STAG1: variants seen among roughly 807,000 people sequenced by gnomAD.
The protein encoded by STAG1 is cohesin subunit SA-1.
A neutral mutation model predicts 170.9 loss-of-function variants in STAG1; 26 were observed. The ratio of observed to expected loss-of-function variants is 0.15; its 90% CI spans 0.11 to 0.21. The LOEUF is 0.21. Among genes scored for constraint, STAG1 ranks in the 10% least tolerant of loss-of-function variants. The probability of loss-of-function intolerance (pLI) is 1.00; values close to 1 mark genes in which losing one functional copy is unlikely to be tolerated. For synonymous variants in STAG1, 514 were observed against 497.7 expected (o/e 1.03, Z -0.44); for missense variants, 964 against 1,509.5 (o/e 0.64, Z 5.99).
intron 1 of STAG1, among the ~76,000 whole-genome samples, chr3:136,665,693 T>C (rs1449933654): frequency 6.7e-6 from 1 of 148,610 alleles, no homozygotes; most frequent in Non-Finnish European, 1.5e-5. Context: ...GGCAGGAGAA[T>C]GGTGTGAACC....
At chr3:136,457,443 T>C (rs1419638460) in intron 13 of STAG1, among the ~76,000 whole-genome samples, 1 of 152,168 alleles carries the variant, frequency 6.6e-6, no homozygotes, top group African/African-American at 2.4e-5. Context: ...CTCACCTGTT[T>C]ACCCCCACAT....
chr3:136,539,404 G>A (rs138461539), intron 6 of STAG1, among the ~76,000 whole-genome samples: 212 of 152,220 alleles, frequency 1.4e-3, no homozygotes, highest in African/African-American at 4.7e-3. Flanking sequence ...CGGGAGAAGA[G>A]CACAATACAC....
Position 136,365,599 on chromosome 3 carries a change from G to C in STAG1, c.2685+1344C>G, listed in dbSNP as rs1279310097. On this transcript the variant is annotated intron_variant, in intron 25 of 33. Transcript: ENST00000383202. ...CATGTAATTTGGAATAAAGTTCCAG[G>C]TGACTGATGGAAAATCAGGATGAGG... 4.6e-5 allele frequency among the ~76,000 whole-genome samples: 7 copies of C among 152,242 alleles called. No homozygotes were observed. The South Asian group carries it at 1.5e-3, about 32-fold the overall frequency.
chr3:136,612,729 T>C (rs575841206), intron 3 of STAG1, among the ~76,000 whole-genome samples: 15 of 152,272 alleles, frequency 9.9e-5, no homozygotes, highest in Middle Eastern at 3.4e-3. Context: ...AAATAGGTCA[T>C]TCAAAAAAAT....
chr3:136,632,663 GC>G (rs1160804197), intron 1 of STAG1, among the ~76,000 whole-genome samples: 1 of 152,006 alleles, frequency 6.6e-6, no homozygotes, highest in Non-Finnish European at 1.5e-5. Flanking sequence ...CGGACTAAGG[GC>G]TTTCAAAGAC....
chr3:136,573,611 TA>T (rs1266792817), intron 4 of STAG1, among the ~76,000 whole-genome samples: 1 of 151,304 alleles, frequency 6.6e-6, no homozygotes, highest in Non-Finnish European at 1.5e-5. Context: ...ATTTTGAGAC[TA>T]AAAAACTAAA....
Position 136,349,334 on chromosome 3 carries a change from T to C in STAG1, c.3095A>G (p.Glu1032Gly). 1 of 1,613,940 alleles carries C rather than the reference T, an allele frequency of 6.2e-7. No homozygotes were observed. The highest frequency in any genetic ancestry group is 8.5e-7 in the Non-Finnish European group (1 of 1,179,868). ...ATCCTCCCTCCTTTCCATCATCTGC[T>C]CGGTAAGGAATTTCTCTAGGTATGA... ...VHSYLEKFLTEQMMERREDVW... is the reference protein window; with the variant it reads ...VHSYLEKFLTGQMMERREDVW... The change falls in exon 29 of 34, where the codon GAG (glutamate) becomes GGG (glycine). Residue 1032 changes from glutamate to glycine, a missense_variant. Around this residue, in one of 11 missense-constraint regions of STAG1, gnomAD observed 149 missense variants for 301.3 expected, o/e 0.49. Transcript: ENST00000383202.
intron 15 of STAG1, among the ~76,000 whole-genome samples, chr3:136,442,669 GA>G (rs34137147): frequency 0.37 from 53,793 of 144,486 alleles, 11,663 homozygotes; most frequent in East Asian, 0.8. Flanking sequence ...TATAAATCAA[GA>G]AAAAAAAAAT....
chr3:136,414,533 C>T (rs1418573855), intron 21 of STAG1, among the ~76,000 whole-genome samples: 1 of 152,140 alleles, frequency 6.6e-6, no homozygotes, highest in East Asian at 1.9e-4. Context: ...GTGACTTCCT[C>T]CACTTGTCTT....
intron 3 of STAG1, among the ~76,000 whole-genome samples, chr3:136,606,737 G>A (rs977043090): frequency 1.3e-5 from 2 of 150,778 alleles, no homozygotes; most frequent in Non-Finnish European, 3.0e-5. Flanking sequence ...GAGAAGAAAG[G>A]AGAGGTAACA....
intron 5 of STAG1, among the ~76,000 whole-genome samples, chr3:136,559,597 T>A (rs1936757845): frequency 6.6e-6 from 1 of 152,184 alleles, no homozygotes; most frequent in Non-Finnish European, 1.5e-5. Flanking sequence ...AACTGTGCAC[T>A]GAGATGTCCT....
At chr3:136,342,342 G>C (rs1013986808) in intron 30 of STAG1, among the ~76,000 whole-genome samples, 5 of 151,686 alleles carry the variant, frequency 3.3e-5, no homozygotes, top group Non-Finnish European at 5.9e-5. Context: ...TTTTAAGACA[G>C]GTTCTCACTC....
At chr3:136,743,587 T>C (rs534901785) in intron 1 of STAG1, among the ~76,000 whole-genome samples, 1 of 152,176 alleles carries the variant, frequency 6.6e-6, no homozygotes, top group Non-Finnish European at 1.5e-5. Context: ...GTATAGAAAC[T>C]AAATTTGATT....
chr3:136,411,778 A>G (rs1576439684), intron 21 of STAG1, among the ~76,000 whole-genome samples: 1 of 152,112 alleles, frequency 6.6e-6, no homozygotes. Context: ...GTGAAATCCC[A>G]TATCTACCAA....
At chr3:136,367,920 T>C (rs887199409) in intron 24 of STAG1, among the ~76,000 whole-genome samples, 5 of 152,190 alleles carry the variant, frequency 3.3e-5, no homozygotes, top group Admixed American at 6.5e-5. Flanking sequence ...CTCCAGATGA[T>C]AACATTTGTT....
intron 1 of STAG1, among the ~76,000 whole-genome samples, chr3:136,640,407 C>T (rs1462539933): frequency 2.7e-5 from 4 of 146,878 alleles, no homozygotes; most frequent in Non-Finnish European, 5.9e-5. Context: ...CTCGCTCTGT[C>T]GCCCAGGCTG....
chr3:136,446,881 C>T (rs2088796847), intron 14 of STAG1, among the ~76,000 whole-genome samples: 1 of 151,956 alleles, frequency 6.6e-6, no homozygotes, highest in African/African-American at 2.4e-5. Context: ...CTCACTGCCA[C>T]CTCTTGCCTC....
intron 23 of STAG1, among the ~76,000 whole-genome samples, chr3:136,370,766 GA>G (rs1315845262): frequency 1.3e-5 from 2 of 152,134 alleles, no homozygotes. Context: ...ATCATTGTTG[GA>G]CATTTGGGTT....
intron 22 of STAG1, among the ~76,000 whole-genome samples, chr3:136,388,773 G>C (rs2086931775): frequency 6.6e-6 from 1 of 152,132 alleles, no homozygotes; most frequent in Non-Finnish European, 1.5e-5. Context: ...AAAACCTACT[G>C]TAGTAAGGAA....
Sources: gnomAD v4.1 joint callset for allele counts (sites outside exome capture counted in the v4.1 genomes callset) on GRCh38, gnomAD v4.1.1 for gene constraint, gnomAD v4.1.1 regional missense constraint, MANE v1.5 for transcripts, NCBI Gene and HGNC (gene_info 2026-07-23, HGNC 2026-07-21) for gene names.